The following TMEFF2 variants were observed in gnomAD, a reference collection of about 807,000 sequenced individuals.
TMEFF2 encodes transmembrane protein with EGF like and two follistatin like domains 2, also known as tomoregulin-2.
TMEFF2 carries 28 observed loss-of-function variants against 53.8 expected under a neutral mutation model. The observed-to-expected ratio is 0.52, with a 90% confidence interval of 0.39 to 0.71. TMEFF2 has a LOEUF of 0.71. Among genes scored for constraint, TMEFF2 ranks in the 30% least tolerant of loss-of-function variants. TMEFF2 has a pLI of 0.00. For missense variants in TMEFF2, 353 were observed against 455.2 expected (o/e 0.78, Z 2.04); for synonymous variants, 162 against 166.3 (o/e 0.97, Z 0.20).
At chr2:192,178,971 A>G (rs1246496606) in intron 4 of TMEFF2, 1 of 151,210 alleles carries the variant, frequency 6.6e-6, no homozygotes, top group African/African-American at 2.4e-5. Flanking sequence ...TTTACAATTT[A>G]GTTTCAATCT....
intron 1 of TMEFF2, among the ~76,000 whole-genome samples, chr2:192,193,736 TGAGAGAGAGAGAGAGATAGATAGATAGA>T (rs1691518429): frequency 8.4e-6 from 1 of 119,320 alleles, no homozygotes; most frequent in Admixed American, 9.2e-5. Flanking sequence ...GAGAAGGGAA[TGAGAGAGAGAGAGAGATAGATAGATAGA>T]GAGAGAGAGA....
At chr2:192,173,400 A>T (rs1690962419) in intron 4 of TMEFF2, among the ~76,000 whole-genome samples, 1 of 151,768 alleles carries the variant, frequency 6.6e-6, no homozygotes, top group Admixed American at 6.6e-5. Context: ...TCATATTTTG[A>T]CATCAAGCAG....
In TMEFF2 at chr2:191,981,506, T is replaced by C. The variant is rs1168776710; in HGVS notation, c.745+16756A>G. ...TCATTATACCTGATCCCCAGGCAGG[T>C]TGTGAAGAGATGAGATAGCGTGTTG... On this transcript the variant is annotated intron_variant, in intron 7 of 9. Coordinates refer to ENST00000272771, the MANE Select transcript of TMEFF2 (RefSeq NM_016192.4). Among the ~76,000 whole-genome samples the C allele has an allele frequency of 2.6e-5, 4 of 152,262 alleles. No individual in the cohort carries two copies. The South Asian group carries it at 6.2e-4, about 24-fold the overall frequency.
At chr2:192,150,693 A>C (rs1022803142) in intron 4 of TMEFF2, among the ~76,000 whole-genome samples, 3 of 61,020 alleles carry the variant, frequency 4.9e-5, no homozygotes, top group Non-Finnish European at 1.2e-4. Flanking sequence ...AGGACACTTC[A>C]TGTTTTTTTT....
chr2:192,194,505 G>A lies in TMEFF2; in HGVS notation c.20C>T (p.Pro7Leu), dbSNP rs1050471132. The A allele has an allele frequency of 5.0e-6, 8 of 1,613,578 alleles. No individual in the cohort carries two copies. Among genetic ancestry groups the A allele is most frequent in the Non-Finnish European group, 6.8e-6 (8 of 1,179,974 alleles). MVLWES[P>L]RQCSSWTLCE... ...AAGTGTCCAGCTGCTGCACTGCCGC[G>A]GGGACTCCCACAGCACCATGACTAG... The change falls in exon 1 of 10, where the codon CCG becomes CTG. Residue 7 changes from proline to leucine, a missense_variant. Coordinates refer to ENST00000272771, the MANE Select transcript of TMEFF2 (RefSeq NM_016192.4). The surrounding 1 kb of genome is among the most constrained non-coding windows in gnomAD (Gnocchi z 4.2).
Position 192,011,894 on chromosome 2 carries a change from C to CT in TMEFF2, c.537-12687dup, listed in dbSNP as rs551308799. On this transcript the variant is annotated intron_variant, in intron 5 of 9. Coordinates refer to ENST00000272771, the MANE Select transcript of TMEFF2 (RefSeq NM_016192.4). ...AATATTTTTTATTTTTACATATTAT[C>CT]TTTTTTTTTTGAGACAGCGTCTCGC... Among the ~76,000 whole-genome samples, 1,262 of 149,760 alleles carry CT rather than the reference C, an allele frequency of 8.4e-3. 18 individuals are homozygous for CT. Among genetic ancestry groups the CT allele is most frequent in the South Asian group, 0.028 (132 of 4,716 alleles).
intron 4 of TMEFF2, among the ~76,000 whole-genome samples, chr2:192,080,014 T>G (rs1425320875): frequency 6.6e-6 from 1 of 152,216 alleles, no homozygotes; most frequent in Non-Finnish European, 1.5e-5. Flanking sequence ...AAATACAATT[T>G]TATAAATGGT....
At chr2:192,021,538 T>C (rs1167418586) in intron 5 of TMEFF2, among the ~76,000 whole-genome samples, 1 of 152,014 alleles carries the variant, frequency 6.6e-6, no homozygotes, top group Non-Finnish European at 1.5e-5. Flanking sequence ...GAGACCATAG[T>C]AAACCTGAGA....
chr2:192,179,689 C>A lies in TMEFF2; in HGVS notation c.418G>T (p.Gly140Ter). The change falls in exon 4 of 10, where the codon GGA (glycine) becomes TGA (stop). Residue 140 changes from glycine to a stop codon, truncating the protein, a stop_gained. Coordinates refer to ENST00000272771, the MANE Select transcript of TMEFF2 (RefSeq NM_016192.4). LOFTEE classifies it high-confidence loss of function. Reference sequence around the variant, plus strand: ...CTACCTCCATCTCCAGATCCTGATCCTGCATCTGTGGGGGGAAAAGTTATA... The same window carrying A: ...CTACCTCCATCTCCAGATCCTGATCATGCATCTGTGGGGGGAAAAGTTATA... Reference protein sequence around the residue: ...VSEGSCATDAGSGSGDGVHEG... With the variant: ...VSEGSCATDA 1 of 1,522,802 alleles carries A rather than the reference C, an allele frequency of 6.6e-7. No homozygotes were observed. Among genetic ancestry groups the A allele is most frequent in the Non-Finnish European group, 8.7e-7 (1 of 1,144,034 alleles). 94.3% of individuals were successfully genotyped at this position (1,522,802 alleles called of 1,614,324 possible). A position where few individuals can be genotyped will look rare whatever the true frequency, so the allele number is the denominator to read the frequency against.
chr2:191,981,713 G>A (rs879308216), intron 7 of TMEFF2, among the ~76,000 whole-genome samples: 2 of 152,098 alleles, frequency 1.3e-5, no homozygotes, highest in Admixed American at 6.6e-5. Context: ...AGAAGCTTGG[G>A]TGCAGTTTGC....
chr2:192,186,583 G>A (rs914364738), intron 2 of TMEFF2, among the ~76,000 whole-genome samples: 3 of 152,098 alleles, frequency 2.0e-5, no homozygotes, highest in Non-Finnish European at 4.4e-5. Context: ...CATAATGATC[G>A]ATAGACTTGC....
chr2:192,155,432 TGTAATTCTAAA>T (rs781335930), intron 4 of TMEFF2, among the ~76,000 whole-genome samples: 12 of 151,972 alleles, frequency 7.9e-5, no homozygotes, highest in Non-Finnish European at 1.3e-4. Flanking sequence ...TTACAGTAAC[TGTAATTCTAAA>T]GTATTATTAC....
Position 191,956,261 on chromosome 2 carries a change from G to T in TMEFF2, c.863C>A (p.Ser288Tyr). 1 of 1,608,448 alleles carries T rather than the reference G, an allele frequency of 6.2e-7. No homozygotes were observed. The highest frequency in any genetic ancestry group is 8.5e-7 in the Non-Finnish European group (1 of 1,178,242). Residue 288 changes from serine to tyrosine, a missense_variant, in exon 8 of 10, where the codon TCT becomes TAT. Coordinates refer to ENST00000272771, the MANE Select transcript of TMEFF2 (RefSeq NM_016192.4). ...TTGCGAGTAAAAATGTTACCTGCAA[G>T]ATGGCTCCTGCATATTGATAGAATG... ...CEHSINMQEPSCRCDAGYTGQ... is the reference protein window; with the variant it reads ...CEHSINMQEPYCRCDAGYTGQ...
intron 4 of TMEFF2, among the ~76,000 whole-genome samples, chr2:192,064,479 C>T (rs947213899): frequency 6.6e-5 from 10 of 151,828 alleles, no homozygotes; most frequent in Admixed American, 3.3e-4. Context: ...CCAATCGCTA[C>T]TAAATGATTT....
chr2:192,194,496 C>CA lies in TMEFF2; in HGVS notation c.28dup (p.Cys10LeufsTer38). 1.2e-6 allele frequency: 2 copies of CA among 1,613,870 alleles called. No homozygotes were observed. Among genetic ancestry groups the CA allele is most frequent in the Non-Finnish European group, 1.7e-6 (2 of 1,180,008 alleles). On this transcript the variant is annotated frameshift_variant, in exon 1 of 10. Transcript: ENST00000272771. LOFTEE classifies it high-confidence loss of function. This position sits in a 1 kb window ranked among gnomAD's most constrained non-coding sequence, Gnocchi z 4.2. ...GCCCTCGCAAAGTGTCCAGCTGCTG[C>CA]ACTGCCGCGGGGACTCCCACAGCAC...
chr2:192,041,611 T>C (rs911900072), intron 5 of TMEFF2, among the ~76,000 whole-genome samples: 3 of 152,164 alleles, frequency 2.0e-5, no homozygotes, highest in African/African-American at 7.2e-5. Context: ...TCCACTCCTA[T>C]GTATATACCC....
intron 4 of TMEFF2, among the ~76,000 whole-genome samples, chr2:192,147,101 G>A (rs1010693180): frequency 6.6e-6 from 1 of 151,940 alleles, no homozygotes; most frequent in Non-Finnish European, 1.5e-5. Flanking sequence ...TTTTTAAGTG[G>A]CTTTTAAGAC....
intron 5 of TMEFF2, among the ~76,000 whole-genome samples, chr2:192,017,018 G>A (rs1015926329): frequency 1.3e-5 from 2 of 152,236 alleles, no homozygotes; most frequent in Non-Finnish European, 2.9e-5. Flanking sequence ...GTGGTGGAGT[G>A]TCAAGGTTTC....
intron 4 of TMEFF2, among the ~76,000 whole-genome samples, chr2:192,163,690 T>C (rs1472655267): frequency 2.0e-5 from 3 of 152,230 alleles, no homozygotes; most frequent in African/African-American, 7.2e-5. Flanking sequence ...TAGATGAATA[T>C]AGTAGGCTCA....
Sources: allele counts gnomAD v4.1 joint callset (sites outside exome capture counted in the v4.1 genomes callset), GRCh38; gene constraint gnomAD v4.1.1; non-coding constraint Gnocchi (gnomAD v3.1); transcripts MANE v1.5; gene names NCBI Gene and HGNC (gene_info 2026-07-23, HGNC 2026-07-21).